ZDBF2: variants seen among roughly 807,000 people sequenced by gnomAD.
The protein encoded by ZDBF2 is DBF4-type zinc finger-containing protein 2.
Under a neutral mutation model 9.4 loss-of-function variants are expected in ZDBF2, and 6 were observed. That is an observed-to-expected ratio of 0.64 (90% confidence interval 0.35 to 1.27). The LOEUF is 1.27. Among genes scored for constraint, ZDBF2 ranks in the 50% most tolerant of loss-of-function variants. The pLI, the probability that ZDBF2 is intolerant of heterozygous loss-of-function variation, is 0.03. For missense variants in ZDBF2, 2,697 were observed against 2,766.8 expected, an observed-to-expected ratio of 0.97 and a Z score of 0.57; for synonymous variants, 905 against 946.3, an observed-to-expected ratio of 0.96 and a Z score of 0.80.
In ZDBF2 at chr2:206,311,022, A is replaced by G. The variant is rs1693151133; in HGVS notation, c.6494A>G (p.Asn2165Ser). The G allele has an allele frequency of 6.2e-7, 1 of 1,611,308 alleles. No homozygotes were observed. Residue 2165 changes from asparagine to serine, a missense_variant, in exon 5 of 5, where the codon AAT becomes AGT. Around this residue, in one of 3 missense-constraint regions of ZDBF2, gnomAD observed 1,783 missense variants for 1,776.5 expected, o/e 1.00. Transcript: ENST00000374423. ...AAAATCTCTCCAAAATCAGTTAGAA[A>G]TAAGCTTTTGGAAAGTCAAAGTAAA... ...VVKISPKSVR[N>S]KLLESQSKKK...
chr2:206,293,582 G>A (rs1264903596), intron 3 of ZDBF2, among the ~76,000 whole-genome samples: 1 of 152,116 alleles, frequency 6.6e-6, no homozygotes, highest in African/African-American at 2.4e-5. Context: ...AAGTCCATAA[G>A]GAAGAGACAG....
intron 2 of ZDBF2, among the ~76,000 whole-genome samples, chr2:206,280,212 A>C (rs1250562247): frequency 2.0e-5 from 3 of 152,216 alleles, no homozygotes; most frequent in Non-Finnish European, 2.9e-5. Context: ...TTAATTTTTA[A>C]AAATGCCAAC....
In ZDBF2 at chr2:206,307,566, A is replaced by T; in HGVS notation, c.3038A>T (p.Glu1013Val). 1 of 1,613,766 alleles carries T rather than the reference A, an allele frequency of 6.2e-7. No individual in the cohort carries two copies. The highest frequency in any genetic ancestry group is 8.5e-7 in the Non-Finnish European group (1 of 1,179,750). ...GGTGTCCCTCATTATTCAGTAACTG[A>T]ACCTCAAGTAGCTGTTAACAAAATA... ...DSGVPHYSVT[E>V]PQVAVNKINR... Residue 1013 changes from glutamate to valine, a missense_variant, in exon 5 of 5, where the codon GAA becomes GTA. Physicochemically the swap from Glu to Val is moderately radical, Grantham distance 121. Coordinates refer to ENST00000374423, the MANE Select transcript of ZDBF2 (RefSeq NM_020923.3).
chr2:206,310,762 G>T lies in ZDBF2; in HGVS notation c.6234G>T (p.Trp2078Cys). 1 of 1,613,900 alleles carries T rather than the reference G, an allele frequency of 6.2e-7. No individual in the cohort carries two copies. The highest frequency in any genetic ancestry group is 8.5e-7 in the Non-Finnish European group (1 of 1,179,886). The change falls in exon 5 of 5, where the codon TGG becomes TGT. Residue 2078 changes from tryptophan (W) to cysteine (C), a missense_variant. Trp to Cys is a radical substitution (Grantham distance 215). Transcript: ENST00000374423. ...TACCAGAGTTTGAGAGGCGTAACTGGGTTAAAATTCATTTTAATAGGAGCA... is the reference window on the plus strand; with the variant it reads ...TACCAGAGTTTGAGAGGCGTAACTGTGTTAAAATTCATTTTAATAGGAGCA... The part of the protein sequence containing the change: ...VIVPEFERRN[W>C]VKIHFNRSNQ...
chr2:206,282,507 C>T (rs1691376655), intron 3 of ZDBF2, among the ~76,000 whole-genome samples: 1 of 152,114 alleles, frequency 6.6e-6, no homozygotes, highest in African/African-American at 2.4e-5. Flanking sequence ...GATTGGGCTT[C>T]TAGTATACCC....
intron 4 of ZDBF2, 143 bp downstream of exon 4, chr2:206,297,516 A>C (rs1574403273): frequency 1.2e-6 from 1 of 807,436 alleles, no homozygotes; most frequent in Admixed American, 3.3e-5. Context: ...TTTGCAATTT[A>C]AAATTTTTCT....
intron 3 of ZDBF2, among the ~76,000 whole-genome samples, chr2:206,291,304 G>A (rs1313116345): frequency 6.6e-6 from 1 of 152,140 alleles, no homozygotes; most frequent in Non-Finnish European, 1.5e-5. Flanking sequence ...TAGATCCCTT[G>A]CATGCACAGT....
intron 1 of ZDBF2, among the ~76,000 whole-genome samples, chr2:206,276,460 TTAGTTTTATTTTTTCTTTGGAA>T (rs1395416724): frequency 1.3e-5 from 2 of 152,220 alleles, no homozygotes; most frequent in Non-Finnish European, 2.9e-5. Flanking sequence ...AAACTAGACA[TTAGTTTTATTTTTTCTTTGGAA>T]TAGTGGTGAT....
chr2:206,297,509 G>A (rs1018113132), intron 4 of ZDBF2, 136 bp downstream of exon 4: 6 of 859,956 alleles, frequency 7.0e-6, no homozygotes, highest in Non-Finnish European at 1.0e-5. Context: ...ACTTTCATTT[G>A]CAATTTAAAA....
chr2:206,302,966 TAC>T (rs894687016), intron 4 of ZDBF2, among the ~76,000 whole-genome samples: 1 of 152,184 alleles, frequency 6.6e-6, no homozygotes, highest in African/African-American at 2.4e-5. Flanking sequence ...GAGGAAATAG[TAC>T]AGAGTGTGCC....
At position 206,305,760 on chromosome 2, in the gene ZDBF2, G is replaced by A; in HGVS notation, c.1232G>A (p.Ser411Asn). ...SRGSEMSFDCSSSFHSLTDQS... is the reference protein window; with the variant it reads ...SRGSEMSFDCNSSFHSLTDQS... ...GGTTCAGAAATGAGTTTTGATTGCA[G>A]TTCCTCTTTTCATTCACTGACTGAC... Residue 411 changes from serine (S) to asparagine (N), a missense_variant, in exon 5 of 5, where the codon AGT becomes AAT. Ser to Asn is a conservative substitution (Grantham distance 46). Coordinates refer to ENST00000374423, the MANE Select transcript of ZDBF2 (RefSeq NM_020923.3). 6.2e-7 allele frequency: 1 copy of A among 1,613,708 alleles called. No homozygotes were observed. Among genetic ancestry groups the A allele is most frequent in the Non-Finnish European group, 8.5e-7 (1 of 1,179,804 alleles).
chr2:206,278,399 G>T (rs73983007), intron 1 of ZDBF2, among the ~76,000 whole-genome samples: 1 of 152,090 alleles, frequency 6.6e-6, no homozygotes, highest in Non-Finnish European at 1.5e-5. Context: ...TATCCCTTAC[G>T]CTTTGAAAAG....
At position 206,308,329 on chromosome 2, in the gene ZDBF2, G is replaced by A. The variant is rs1405730931; in HGVS notation, c.3801G>A (p.Trp1267Ter). 1.2e-6 allele frequency: 2 copies of A among 1,613,546 alleles called. No homozygotes were observed. The highest frequency in any genetic ancestry group is 2.7e-5 in the African/African-American group (2 of 75,000). Reference protein sequence around the residue: ...PEEVVKEVSLWKEHVDLENKI... With the variant: ...PEEVVKEVSL ...AAGTAGTTAAGGAGGTCAGTCTTTG[G>A]AAAGAGCATGTTGACTTGGAAAATA... The change falls in exon 5 of 5, where the codon TGG (tryptophan) becomes TGA (stop). Residue 1267 changes from tryptophan to a stop codon, truncating the protein, a stop_gained. Transcript: ENST00000374423. LOFTEE classifies it low-confidence loss of function (END_TRUNC).
Position 206,309,693 on chromosome 2 carries a change from G to A in ZDBF2, c.5165G>A (p.Arg1722Gln), listed in dbSNP as rs775009737. The A allele has an allele frequency of 3.2e-5, 51 of 1,613,628 alleles. No homozygotes were observed. Among genetic ancestry groups the A allele is most frequent in the Admixed American group, 6.7e-5 (4 of 59,990 alleles). Reference sequence around the variant, plus strand: ...GCCTCTTCCAAGTCAGCGCTCCATCGAAGGGCTGATAAAAAAAAACGTTCG... The same window carrying A: ...GCCTCTTCCAAGTCAGCGCTCCATCAAAGGGCTGATAAAAAAAAACGTTCG... ...FGASSKSALH[R>Q]RADKKKRSKL... Residue 1722 changes from arginine to glutamine, a missense_variant, in exon 5 of 5, where the codon CGA becomes CAA. Around this residue, in one of 3 missense-constraint regions of ZDBF2, gnomAD observed 1,783 missense variants for 1,776.5 expected, o/e 1.00. Transcript: ENST00000374423.
intron 3 of ZDBF2, among the ~76,000 whole-genome samples, chr2:206,292,719 C>T (rs1229213627): frequency 6.6e-6 from 1 of 151,922 alleles, no homozygotes; most frequent in Non-Finnish European, 1.5e-5. Context: ...TTTTTATATA[C>T]AGATACCATG....
chr2:206,297,008 T>G (rs1283267945), intron 3 of ZDBF2, among the ~76,000 whole-genome samples: 1 of 152,244 alleles, frequency 6.6e-6, no homozygotes, highest in Non-Finnish European at 1.5e-5. Flanking sequence ...AATGGCATCT[T>G]TTTTGCATGA....
Position 206,310,656 on chromosome 2 carries a change from G to A in ZDBF2, c.6128G>A (p.Cys2043Tyr), listed in dbSNP as rs1393805230. Residue 2043 changes from cysteine to tyrosine, a missense_variant, in exon 5 of 5, where the codon TGC becomes TAC. By Grantham distance (194) the Cys-to-Tyr change is radical. Transcript: ENST00000374423. ...HSWDNDIRFI[C>Y]KYKRNIFDYY... ...TGGGATAATGATATTCGGTTTATAT[G>A]CAAATATAAACGGAATATCTTTGAT... The A allele has an allele frequency of 1.2e-6, 2 of 1,610,104 alleles. No homozygotes were observed. Among genetic ancestry groups the A allele is most frequent in the African/African-American group, 1.3e-5 (1 of 74,814 alleles).
rs1458175620 is a variant in ZDBF2 at position 206,281,792 on chromosome 2, G to A, written c.-49-9G>A. 2 of 1,528,696 alleles carry A rather than the reference G, an allele frequency of 1.3e-6. No homozygotes were observed. The highest frequency in any genetic ancestry group is 1.4e-5 in the African/African-American group (1 of 72,124). 94.7% of individuals were successfully genotyped at this position (1,528,696 alleles called of 1,614,324 possible). A position where few individuals can be genotyped will look rare whatever the true frequency, so the allele number is the denominator to read the frequency against. On this transcript the variant is annotated splice_polypyrimidine_tract_variant and intron_variant, in intron 2 of 4. Coordinates refer to ENST00000374423, the MANE Select transcript of ZDBF2 (RefSeq NM_020923.3). ...TATGATTTTTACCATTTTTCTTTTT[G>A]TTTTTCAGCTTGAGTATTCAAAGAC...
intron 3 of ZDBF2, among the ~76,000 whole-genome samples, chr2:206,285,719 G>A (rs1691565047): frequency 6.6e-6 from 1 of 152,018 alleles, no homozygotes; most frequent in South Asian, 2.1e-4. Flanking sequence ...TAAAATCTTT[G>A]CCCAGACCAC....
Sources: gnomAD v4.1 joint callset for allele counts (sites outside exome capture counted in the v4.1 genomes callset) on GRCh38, gnomAD v4.1.1 for gene constraint, gnomAD v4.1.1 regional missense constraint, MANE v1.5 for transcripts, NCBI Gene and HGNC (gene_info 2026-07-23, HGNC 2026-07-21) for gene names.